Variants in NT5DC3 observed in about 807,000 individuals in gnomAD.
NT5DC3 encodes 5'-nucleotidase domain-containing protein 3.
NT5DC3 carries 42 observed loss-of-function variants against 67.8 expected under a neutral mutation model. The observed-to-expected ratio is 0.62, with a 90% CI of 0.48 to 0.80. The LOEUF is 0.80. Ranked by LOEUF, NT5DC3 falls within the 30% of genes least tolerant of loss-of-function variation. The pLI is 0.00. For synonymous variants in NT5DC3, 237 were observed against 255.6 expected (o/e 0.93, Z 0.69); for missense variants, 570 against 696.4 (o/e 0.82, Z 2.04).
intron 2 of NT5DC3, among the ~76,000 whole-genome samples, chr12:103,809,778 G>A (rs143833880): frequency 2.0e-5 from 3 of 152,130 alleles, no homozygotes; most frequent in African/African-American, 7.2e-5. Context: ...AGATTTGGGT[G>A]GGGACACAGC....
chr12:103,748,940 C>A, the NT5DC3 span: 5 of 1,601,160 alleles, frequency 3.1e-6, no homozygotes, highest in South Asian at 5.6e-5. Flanking sequence ...GTAAGTTGAG[C>A]CCTCTCTCCT....
Position 103,775,708 on chromosome 12 carries a change from A to T in NT5DC3, c.*2121T>A, listed in dbSNP as rs1272331855. On this transcript the variant is annotated 3_prime_UTR_variant, in exon 14 of 14. Transcript: ENST00000392876. ...CATACTACTGTGCCTTACTGTGTTCATAACAAAATGTAGAAGATGGGGAGA... is the reference window on the plus strand; with the variant it reads ...CATACTACTGTGCCTTACTGTGTTCTTAACAAAATGTAGAAGATGGGGAGA... 8.1e-6 allele frequency: 1 copy of T among 123,724 alleles called. No homozygotes were observed. The highest frequency in any genetic ancestry group is 1.7e-5 in the Non-Finnish European group (1 of 57,324). The allele number at this position is 123,724 out of a possible 1,614,324, so 7.7% of individuals were successfully genotyped here. A position where few individuals can be genotyped will look rare whatever the true frequency, so the allele number is the denominator to read the frequency against.
At chr12:103,787,617 G>T (rs1280513764) in intron 10 of NT5DC3, 90 bp from the exon 11 acceptor site, 4 of 595,534 alleles carry the variant, frequency 6.7e-6, no homozygotes, top group Non-Finnish European at 1.1e-5. Flanking sequence ...AAAAATTGTT[G>T]TTTTTATAAC....
chr12:103,827,434 T>C (rs1461447677), intron 1 of NT5DC3, among the ~76,000 whole-genome samples: 2 of 152,124 alleles, frequency 1.3e-5, no homozygotes, highest in African/African-American at 4.8e-5. Context: ...ATTTAAAGTG[T>C]ATAAAAGAGT....
downstream of NT5DC3, chr12:103,770,398 A>G (rs540138581): frequency 6.6e-6 from 1 of 152,012 alleles, no homozygotes; most frequent in South Asian, 2.1e-4. Flanking sequence ...ACAAATTTGG[A>G]TCTTAGAAAA....
intron 1 of NT5DC3, among the ~76,000 whole-genome samples, chr12:103,826,781 C>T (rs143904744): frequency 2.0e-5 from 3 of 152,328 alleles, no homozygotes; most frequent in African/African-American, 2.4e-5. Flanking sequence ...CTGCAATAGA[C>T]AGAATCAGAT....
rs17034653 is a variant in NT5DC3, at chr12:103,826,081, C to G, written c.209-10960G>C. On this transcript the variant is annotated intron_variant, in intron 1 of 13. Coordinates refer to ENST00000392876, the MANE Select transcript of NT5DC3 (RefSeq NM_001031701.3). The stretch of plus-strand genomic sequence containing the variant: ...GTGCTTGGCTCAAAGTAGGTGCTTC[C>G]TAACTGTCAGTCCCTTCTTTTTTCT... Among the ~76,000 whole-genome samples the G allele has an allele frequency of 0.023, 3,520 of 151,028 alleles. 256 individuals are homozygous for G. In the East Asian group the frequency reaches 0.27, roughly 11 times the overall value.
Position 103,796,902 on chromosome 12 carries a change from C to A in NT5DC3, c.745G>T (p.Asp249Tyr). The A allele has an allele frequency of 6.2e-7, 1 of 1,614,172 alleles. No individual in the cohort carries two copies. Among genetic ancestry groups the A allele is most frequent in the Middle Eastern group, 1.6e-4 (1 of 6,062 alleles). ...IDYEPVHLYK[D>Y]VKDSIRDVHI... ...CTCACTGTGGATACAACCTTGACAT[C>A]TTTGTACAGATGCACAGGCTCATAG... The change falls in exon 6 of 14, where the codon GAT becomes TAT. Residue 249 changes from aspartate to tyrosine, a missense_variant. Physicochemically the swap from Asp to Tyr is radical, Grantham distance 160. This residue lies in a region of NT5DC3 where 466 missense variants were observed against 608.0 expected (regional missense o/e 0.77). Coordinates refer to ENST00000392876, the MANE Select transcript of NT5DC3 (RefSeq NM_001031701.3).
At chr12:103,815,233 G>A (rs963937560) in intron 1 of NT5DC3, 112 bp from the exon 2 acceptor site, 1 of 664,472 alleles carries the variant, frequency 1.5e-6, no homozygotes, top group African/African-American at 1.8e-5. Context: ...GCTTCACCTT[G>A]AAAATATGCT....
chr12:103,748,017 GAAGAA>G, the NT5DC3 span, among the ~76,000 whole-genome samples: 13 of 149,244 alleles, frequency 8.7e-5, no homozygotes, highest in African/African-American at 3.2e-4. Context: ...AAAAAAAAGG[GAAGAA>G]GAAGAAGAAA....
At chr12:103,816,688 T>C (rs1350317865) in intron 1 of NT5DC3, among the ~76,000 whole-genome samples, 1 of 152,252 alleles carries the variant, frequency 6.6e-6, no homozygotes, top group Non-Finnish European at 1.5e-5. Flanking sequence ...TAAGATGTGA[T>C]AGAGGATGTT....
At chr12:103,759,197 T>G in the NT5DC3 span, 1 of 1,614,184 alleles carries the variant, frequency 6.2e-7, no homozygotes, top group Non-Finnish European at 8.5e-7. Flanking sequence ...TACAATGACC[T>G]TGTCAATGGC....
chr12:103,762,524 T>A, the NT5DC3 span: 1 of 1,489,096 alleles, frequency 6.7e-7, no homozygotes. Context: ...TGTCACACAG[T>A]AGCAGGGGCG....
the NT5DC3 span, chr12:103,758,329 G>A: frequency 3.7e-6 from 6 of 1,607,536 alleles, no homozygotes; most frequent in Non-Finnish European, 5.1e-6. Flanking sequence ...AGACTAGCAT[G>A]TTATCTATCA....
intron 1 of NT5DC3, among the ~76,000 whole-genome samples, chr12:103,826,469 A>G (rs897575232): frequency 1.3e-5 from 2 of 152,186 alleles, no homozygotes; most frequent in Non-Finnish European, 2.9e-5. Context: ...TTTGAGAAAG[A>G]CTCAGAAAGC....
In NT5DC3 at chr12:103,777,942, C is replaced by T. The variant is rs750569608; in HGVS notation, c.1534G>A (p.Val512Ile). The change falls in exon 14 of 14, where the codon GTC becomes ATC. Residue 512 changes from valine (V) to isoleucine (I), a missense_variant. By Grantham distance (29) the Val-to-Ile change is conservative (BLOSUM62 3). Coordinates refer to ENST00000392876, the MANE Select transcript of NT5DC3 (RefSeq NM_001031701.3). ...CTCCGGGGGTAGAAAGTGTGGCTGA[C>T]GTCATAGTTCAGGAGGCAGCTCAGA... The part of the protein sequence containing the change: ...ASLSCLLNYD[V>I]SHTFYPRRTP... The T allele has an allele frequency of 2.0e-5, 33 of 1,614,026 alleles. No homozygotes were observed. Among genetic ancestry groups the T allele is most frequent in the African/African-American group, 2.7e-5 (2 of 74,906 alleles).
At chr12:103,756,427 C>T in the NT5DC3 span, among the ~76,000 whole-genome samples, 3 of 152,180 alleles carry the variant, frequency 2.0e-5, no homozygotes, top group African/African-American at 4.8e-5. Flanking sequence ...GCCTTGACCA[C>T]CATTGTCTCC....
the NT5DC3 span, chr12:103,758,351 C>T: frequency 6.3e-7 from 1 of 1,597,874 alleles, no homozygotes; most frequent in East Asian, 2.2e-5. Context: ...CACAACAATG[C>T]TGTGTCACAA....
chr12:103,795,409 A>G (rs548813268), intron 6 of NT5DC3, among the ~76,000 whole-genome samples: 8 of 152,300 alleles, frequency 5.3e-5, no homozygotes, highest in Non-Finnish European at 8.8e-5. Context: ...TGAGCTTTCA[A>G]ATCAACATCT....
Sources: gnomAD v4.1 joint callset for allele counts (sites outside exome capture counted in the v4.1 genomes callset) on GRCh38, gnomAD v4.1.1 for gene constraint, gnomAD v4.1.1 regional missense constraint, MANE v1.5 for transcripts, NCBI Gene and HGNC (gene_info 2026-07-23, HGNC 2026-07-21) for gene names.